RASSF5: variants seen among roughly 807,000 people sequenced by gnomAD.
RASSF5 encodes the protein ras association domain-containing protein 5.
A neutral mutation model predicts 40.5 loss-of-function variants in RASSF5; 25 were observed. The observed-to-expected ratio is 0.62, with a 90% CI of 0.45 to 0.86. The LOEUF is 0.86. RASSF5 is among the 40% of genes least tolerant of loss of function. RASSF5 has a pLI of 0.00. For missense variants in RASSF5, 521 were observed against 572.8 expected, an observed-to-expected ratio of 0.91 and a Z score of 0.92; for synonymous variants, 246 against 252.4, an observed-to-expected ratio of 0.97 and a Z score of 0.24.
At chr1:206,512,171 C>G (rs1553394782) in intron 1 of RASSF5, among the ~76,000 whole-genome samples, 1 of 152,124 alleles carries the variant, frequency 6.6e-6, no homozygotes, top group Non-Finnish European at 1.5e-5. Flanking sequence ...CCCCCACTCC[C>G]AAGCCCTCTC....
intron 2 of RASSF5, among the ~76,000 whole-genome samples, chr1:206,548,751 A>AC (rs1420871509): frequency 4.0e-5 from 6 of 151,876 alleles, no homozygotes; most frequent in Non-Finnish European, 5.9e-5. Flanking sequence ...ATATTTTCAT[A>AC]CCCCCCCACT....
At chr1:206,510,202 G>A (rs1553394447) in intron 1 of RASSF5, among the ~76,000 whole-genome samples, 1 of 152,140 alleles carries the variant, frequency 6.6e-6, no homozygotes, top group East Asian at 1.9e-4. Flanking sequence ...ATTCCATGGT[G>A]AGGTTGCTTT....
intron 2 of RASSF5, chr1:206,542,739 A>G (rs1488397063): frequency 6.6e-6 from 1 of 152,190 alleles, no homozygotes; most frequent in Non-Finnish European, 1.5e-5. Flanking sequence ...ATTTCTCTTT[A>G]AATAGACTTA....
chr1:206,532,830 T>C (rs1392491382), intron 1 of RASSF5, among the ~76,000 whole-genome samples: 1 of 152,212 alleles, frequency 6.6e-6, no homozygotes, highest in African/African-American at 2.4e-5. Flanking sequence ...ATGTTGTCTC[T>C]GTATCTTGCA....
chr1:206,559,502 T>C (rs1340815419), intron 2 of RASSF5, among the ~76,000 whole-genome samples: 1 of 152,134 alleles, frequency 6.6e-6, no homozygotes, highest in Non-Finnish European at 1.5e-5. Context: ...TCTCCCTTCT[T>C]CCCCCCAGTT....
At chr1:206,551,456 A>G (rs1485240587) in intron 2 of RASSF5, among the ~76,000 whole-genome samples, 1 of 151,874 alleles carries the variant, frequency 6.6e-6, no homozygotes, top group African/African-American at 2.4e-5. Flanking sequence ...TCCTTCACAG[A>G]CTCCTGCCAC....
chr1:206,561,185 A>G (rs1668128792), intron 2 of RASSF5, among the ~76,000 whole-genome samples: 1 of 152,202 alleles, frequency 6.6e-6, no homozygotes, highest in Non-Finnish European at 1.5e-5. Context: ...CGCTTTATAG[A>G]TGGAGAAACT....
chr1:206,557,405 G>A (rs1668019283), intron 2 of RASSF5: 1 of 1,369,842 alleles, frequency 7.3e-7, no homozygotes. Flanking sequence ...AAACGCAGGC[G>A]GCCCGCCGGC....
chr1:206,533,136 G>A (rs1667285125), intron 1 of RASSF5, among the ~76,000 whole-genome samples: 3 of 152,122 alleles, frequency 2.0e-5, no homozygotes, highest in Non-Finnish European at 1.5e-5. Context: ...TACTTCTTCA[G>A]GGCTACAGTG....
intron 1 of RASSF5, among the ~76,000 whole-genome samples, chr1:206,528,563 G>T (rs1405079309): frequency 4.6e-5 from 7 of 152,138 alleles, no homozygotes; most frequent in African/African-American, 1.7e-4. Context: ...ATGGACTCTG[G>T]AGATCATGAT....
chr1:206,555,518 A>G (rs1465272766), intron 2 of RASSF5, among the ~76,000 whole-genome samples: 2 of 152,070 alleles, frequency 1.3e-5, no homozygotes, highest in Non-Finnish European at 2.9e-5. Context: ...GAAACCCCCC[A>G]AACAGCCTCT....
At chr1:206,564,610 G>A (rs1468780211) in intron 2 of RASSF5, among the ~76,000 whole-genome samples, 4 of 152,144 alleles carry the variant, frequency 2.6e-5, no homozygotes, top group African/African-American at 4.8e-5. Flanking sequence ...TGGGGACCTC[G>A]ATTCTCTTCT....
intron 2 of RASSF5, among the ~76,000 whole-genome samples, chr1:206,562,291 T>C (rs914324954): frequency 2.4e-4 from 37 of 152,210 alleles, no homozygotes; most frequent in Non-Finnish European, 5.9e-5. Flanking sequence ...GCCTCAGGCA[T>C]GGCACCTGCC....
chr1:206,547,382 T>C (rs1553400367), intron 2 of RASSF5, among the ~76,000 whole-genome samples: 2 of 151,754 alleles, frequency 1.3e-5, no homozygotes, highest in African/African-American at 4.8e-5. Flanking sequence ...TGCCTCCTTG[T>C]AGACCAGCGG....
At chr1:206,578,580 CT>C (rs1558520803) in intron 2 of RASSF5, among the ~76,000 whole-genome samples, 1 of 152,116 alleles carries the variant, frequency 6.6e-6, no homozygotes, top group Non-Finnish European at 1.5e-5. Flanking sequence ...GGAGGAAAGA[CT>C]GACAAATTTA....
At chr1:206,557,073 G>A (rs2103538275) in intron 2 of RASSF5, 1 of 926,122 alleles carries the variant, frequency 1.1e-6, no homozygotes. Flanking sequence ...TTGCCACCGG[G>A]GGCGGGTGGC....
rs1669170767 is a variant in RASSF5, at chr1:206,587,622, C to CCTGGCT, written c.*650_*655dup. ...CAGAGAAGCTGCAGCCTGCCCTGGC[C>CCTGGCT]CTGGCTCTGGCCCTGGCCCACATTG... On this transcript the variant is annotated 3_prime_UTR_variant, in exon 6 of 6. Transcript: ENST00000579436. 2 of 155,004 alleles carry CCTGGCT rather than the reference C, an allele frequency of 1.3e-5. No individual in the cohort carries two copies. The highest frequency in any genetic ancestry group is 2.4e-5 in the African/African-American group (1 of 41,600). The allele number at this position is 155,004 out of a possible 1,614,324, so 9.6% of individuals were successfully genotyped here. A position where few individuals can be genotyped will look rare whatever the true frequency, so the allele number is the denominator to read the frequency against.
At chr1:206,567,433 CT>C (rs565565742) in intron 2 of RASSF5, among the ~76,000 whole-genome samples, 3 of 152,086 alleles carry the variant, frequency 2.0e-5, no homozygotes, top group Non-Finnish European at 4.4e-5. Context: ...GTGAAAGATC[CT>C]GGTTTGGCAG....
Position 206,586,946 on chromosome 1 carries a change from G to A in RASSF5, c.1225G>A (p.Ala409Thr). The A allele has an allele frequency of 6.2e-7, 1 of 1,614,156 alleles. No individual in the cohort carries two copies. Among genetic ancestry groups the A allele is most frequent in the Non-Finnish European group, 8.5e-7 (1 of 1,179,990 alleles). ...YDKFRQKLEE[A>T]LRESQGKPG ...CAAGTTTAGGCAGAAACTGGAGGAG[G>A]CCTTAAGAGAATCCCAGGGCAAACC... Residue 409 changes from alanine (A) to threonine (T), a missense_variant, in exon 6 of 6, where the codon GCC (alanine) becomes ACC (threonine). Transcript: ENST00000579436.
Sources: gnomAD v4.1 joint callset for allele counts (sites outside exome capture counted in the v4.1 genomes callset) on GRCh38, gnomAD v4.1.1 for gene constraint, MANE v1.5 for transcripts, NCBI Gene and HGNC (gene_info 2026-07-23, HGNC 2026-07-21) for gene names.